The following QTMAN variants were observed in gnomAD, a reference collection of about 807,000 sequenced individuals.
QTMAN encodes tRNA-queuosine alpha-mannosyltransferase.
chr2:144,034,630 A>C, the QTMAN span, among the ~76,000 whole-genome samples: 92 of 152,310 alleles, frequency 6.0e-4, no homozygotes, highest in African/African-American at 2.1e-3. Context: ...GAAAAAAAAA[A>C]ATCTTAAGTT....
At chr2:144,166,676 T>C in the QTMAN span, among the ~76,000 whole-genome samples, 32 of 152,360 alleles carry the variant, frequency 2.1e-4, no homozygotes, top group African/African-American at 7.5e-4. Flanking sequence ...GTGATAGTAT[T>C]TGCTTGACAG....
At chr2:144,103,760 A>C in the QTMAN span, among the ~76,000 whole-genome samples, 1 of 152,236 alleles carries the variant, frequency 6.6e-6, no homozygotes, top group Admixed American at 6.5e-5. Flanking sequence ...GTCACTGTCC[A>C]AAAATTCTAT....
At chr2:144,050,497 G>C in the QTMAN span, among the ~76,000 whole-genome samples, 1 of 152,120 alleles carries the variant, frequency 6.6e-6, no homozygotes, top group East Asian at 1.9e-4. Context: ...TAAAAGAGTT[G>C]AGAGGAGTTG....
the QTMAN span, among the ~76,000 whole-genome samples, chr2:144,254,327 C>T: frequency 1.3e-5 from 2 of 152,112 alleles, no homozygotes; most frequent in African/African-American, 4.8e-5. Context: ...GAGGCTGAGG[C>T]AGGAGAATCG....
the QTMAN span, among the ~76,000 whole-genome samples, chr2:144,317,749 G>A: frequency 6.6e-6 from 1 of 152,034 alleles, no homozygotes; most frequent in Non-Finnish European, 1.5e-5. Context: ...TAAACATCTG[G>A]ATTTTTCTTC....
At chr2:144,326,120 T>C in the QTMAN span, among the ~76,000 whole-genome samples, 1 of 152,216 alleles carries the variant, frequency 6.6e-6, no homozygotes, top group East Asian at 1.9e-4. Context: ...ACTCACTTCT[T>C]CATAATAAAA....
the QTMAN span, among the ~76,000 whole-genome samples, chr2:144,050,318 A>G: frequency 1.3e-5 from 2 of 148,540 alleles, no homozygotes; most frequent in African/African-American, 2.5e-5. Context: ...AGGAACGGTG[A>G]AAAAAAAAAC....
At chr2:144,132,126 CTTAT>C in the QTMAN span, among the ~76,000 whole-genome samples, 7 of 151,864 alleles carry the variant, frequency 4.6e-5, no homozygotes, top group Non-Finnish European at 1.0e-4. Flanking sequence ...AAAACTCTGT[CTTAT>C]TTATCCTTAT....
chr2:143,974,517 A>AATAT, the QTMAN span, among the ~76,000 whole-genome samples: 1 of 152,194 alleles, frequency 6.6e-6, no homozygotes, highest in Non-Finnish European at 1.5e-5. Flanking sequence ...ATGTTGCATA[A>AATAT]ATATACTTCT....
the QTMAN span, among the ~76,000 whole-genome samples, chr2:144,313,789 T>A: frequency 1.2e-4 from 18 of 151,540 alleles, no homozygotes; most frequent in East Asian, 5.8e-4. Flanking sequence ...TTTTTTTTTT[T>A]AAATAGATAT....
the QTMAN span, among the ~76,000 whole-genome samples, chr2:144,057,810 A>G: frequency 6.6e-6 from 1 of 152,144 alleles, no homozygotes; most frequent in African/African-American, 2.4e-5. Flanking sequence ...GGACCATGGT[A>G]TGAATAACCA....
chr2:144,091,820 T>C, the QTMAN span, among the ~76,000 whole-genome samples: 1 of 152,160 alleles, frequency 6.6e-6, no homozygotes, highest in Non-Finnish European at 1.5e-5. Context: ...AATTGTGGTA[T>C]ATCCATACAA....
the QTMAN span, among the ~76,000 whole-genome samples, chr2:144,304,155 T>C: frequency 2.0e-5 from 3 of 152,150 alleles, no homozygotes; most frequent in African/African-American, 7.2e-5. Flanking sequence ...AGATTTGGAA[T>C]AGAAGAGTAG....
At chr2:144,094,403 G>A in the QTMAN span, among the ~76,000 whole-genome samples, 1,752 of 152,228 alleles carry the variant, frequency 0.012, 37 homozygotes, top group African/African-American at 0.039. Flanking sequence ...GTATTAGTCC[G>A]TTCTCATACT....
the QTMAN span, among the ~76,000 whole-genome samples, chr2:143,977,127 A>C: frequency 6.6e-6 from 1 of 152,184 alleles, no homozygotes; most frequent in Non-Finnish European, 1.5e-5. Context: ...TAATGTTATA[A>C]ATTTTAATCA....
chr2:144,139,071 A>G, the QTMAN span, among the ~76,000 whole-genome samples: 1 of 152,140 alleles, frequency 6.6e-6, no homozygotes, highest in African/African-American at 2.4e-5. Context: ...AAGAAAGTTA[A>G]GCTGGACAAA....
At chr2:144,285,035 G>T in the QTMAN span, among the ~76,000 whole-genome samples, 1 of 151,062 alleles carries the variant, frequency 6.6e-6, no homozygotes, top group Non-Finnish European at 1.5e-5. Flanking sequence ...AGCCCAAGAG[G>T]TCAAGGCTGC....
chr2:144,086,298 A>G, the QTMAN span, among the ~76,000 whole-genome samples: 1 of 152,108 alleles, frequency 6.6e-6, no homozygotes, highest in Non-Finnish European at 1.5e-5. Flanking sequence ...AGAGTCTACT[A>G]TGTACCAATA....
the QTMAN span, among the ~76,000 whole-genome samples, chr2:143,975,135 C>T: frequency 6.6e-6 from 1 of 152,198 alleles, no homozygotes; most frequent in East Asian, 1.9e-4. Context: ...TTATTCAGAA[C>T]ATTTGAAAAG....
Sources: allele counts gnomAD v4.1 joint callset (sites outside exome capture counted in the v4.1 genomes callset), GRCh38; gene constraint gnomAD v4.1.1; transcripts MANE v1.5; gene names NCBI Gene and HGNC (gene_info 2026-07-23, HGNC 2026-07-21).